Variants in TACR3 observed in about 807,000 individuals in gnomAD.
TACR3 encodes the protein neuromedin-K receptor.
In TACR3, 34 loss-of-function variants were observed where a neutral mutation model predicts 35.0. The ratio of observed to expected loss-of-function variants is 0.97; its 90% CI spans 0.74 to 1.30. TACR3 has a LOEUF of 1.30. Ranked by LOEUF, TACR3 falls within the 50% of genes most tolerant of loss-of-function variation. The probability of loss-of-function intolerance (pLI) is 0.00; values close to 1 mark genes in which losing one functional copy is unlikely to be tolerated. For missense variants in TACR3, 558 were observed against 591.7 expected (o/e 0.94, Z 0.59); for synonymous variants, 233 against 221.1 (o/e 1.05, Z -0.48).
intron 3 of TACR3, among the ~76,000 whole-genome samples, chr4:103,629,441 G>A (rs1464612147): frequency 6.6e-6 from 1 of 151,994 alleles, no homozygotes; most frequent in Non-Finnish European, 1.5e-5. Flanking sequence ...CTTCAGCAAA[G>A]TCTCAGGATA....
chr4:103,639,141 G>A (rs1368420491), intron 3 of TACR3, among the ~76,000 whole-genome samples: 23 of 152,132 alleles, frequency 1.5e-4, no homozygotes, highest in Middle Eastern at 3.4e-3. Flanking sequence ...ACATGCACAC[G>A]TATGTTTATT....
At chr4:103,602,951 T>C (rs1166896006) in intron 3 of TACR3, among the ~76,000 whole-genome samples, 4 of 152,246 alleles carry the variant, frequency 2.6e-5, no homozygotes, top group Non-Finnish European at 5.9e-5. Context: ...CAGAGGTTAC[T>C]GCTGTCTTTT....
intron 1 of TACR3, among the ~76,000 whole-genome samples, chr4:103,663,367 G>T (rs1725873270): frequency 6.6e-6 from 1 of 152,100 alleles, no homozygotes; most frequent in Admixed American, 6.5e-5. Context: ...GGTGGCACAG[G>T]CCTGTAATCC....
At chr4:103,611,556 T>A (rs544812343) in intron 3 of TACR3, among the ~76,000 whole-genome samples, 8 of 152,336 alleles carry the variant, frequency 5.3e-5, no homozygotes, top group African/African-American at 1.9e-4. Context: ...CTGTGCCACA[T>A]GCATTACCTC....
At chr4:103,640,212 T>C (rs887302336) in intron 3 of TACR3, among the ~76,000 whole-genome samples, 8 of 152,100 alleles carry the variant, frequency 5.3e-5, no homozygotes, top group Admixed American at 2.0e-4. Context: ...TCTGACTCTG[T>C]AGTTTATGTT....
Position 103,695,477 on chromosome 4 carries a change from TTAA to T in TACR3, c.548+23648_548+23650del, listed in dbSNP as rs1409286763. Among the ~76,000 whole-genome samples the T allele has an allele frequency of 3.9e-5, 6 of 152,196 alleles. No individual in the cohort carries two copies. In the South Asian group the frequency reaches 6.2e-4, roughly 16 times the overall value. On this transcript the variant is annotated intron_variant, in intron 1 of 4. Coordinates refer to ENST00000304883, the MANE Select transcript of TACR3 (RefSeq NM_001059.3). Reference sequence around the variant, plus strand: ...ATATTTTCTCTTCCTTATGATTTTCTTAATAATATGTTCTTTTCTCTAGCTTAC... The same window carrying T: ...ATATTTTCTCTTCCTTATGATTTTCTTAATATGTTCTTTTCTCTAGCTTAC...
At chr4:103,638,041 T>C (rs1247151149) in intron 3 of TACR3, among the ~76,000 whole-genome samples, 1 of 152,172 alleles carries the variant, frequency 6.6e-6, no homozygotes, top group African/African-American at 2.4e-5. Flanking sequence ...TTCAATGCCA[T>C]ACCCATGAAG....
chr4:103,634,507 A>C (rs950464944), intron 3 of TACR3, among the ~76,000 whole-genome samples: 1 of 122,640 alleles, frequency 8.2e-6, no homozygotes, highest in Non-Finnish European at 1.9e-5. Context: ...CTTCATGAAC[A>C]TTTATAATCA....
intron 3 of TACR3, among the ~76,000 whole-genome samples, chr4:103,650,097 A>T (rs1725555356): frequency 6.6e-6 from 1 of 152,072 alleles, no homozygotes; most frequent in East Asian, 1.9e-4. Context: ...TCACAGAGAT[A>T]CTGCCTTGTT....
chr4:103,627,846 T>C (rs1225422662), intron 3 of TACR3, among the ~76,000 whole-genome samples: 1 of 152,194 alleles, frequency 6.6e-6, no homozygotes, highest in African/African-American at 2.4e-5. Context: ...ATATACATTC[T>C]TCTTAGAACC....
intron 1 of TACR3, among the ~76,000 whole-genome samples, chr4:103,701,353 G>A (rs1168419650): frequency 1.3e-5 from 2 of 151,718 alleles, no homozygotes; most frequent in South Asian, 4.2e-4. Context: ...GGACGTGAAG[G>A]ACCTCTTCAA....
chr4:103,606,243 T>A (rs529413307), intron 3 of TACR3, among the ~76,000 whole-genome samples: 1 of 152,056 alleles, frequency 6.6e-6, no homozygotes, highest in Non-Finnish European at 1.5e-5. Flanking sequence ...TAGTATAGTT[T>A]GAAGTCAGGT....
chr4:103,605,637 T>C (rs1333162246), intron 3 of TACR3, among the ~76,000 whole-genome samples: 3 of 152,140 alleles, frequency 2.0e-5, no homozygotes, highest in African/African-American at 7.2e-5. Context: ...TTTTGAGAAG[T>C]GTCTGTTCAT....
chr4:103,699,522 ACT>A lies in TACR3; in HGVS notation c.548+19604_548+19605del, dbSNP rs1180833315. On this transcript the variant is annotated intron_variant, in intron 1 of 4. Coordinates refer to ENST00000304883, the MANE Select transcript of TACR3 (RefSeq NM_001059.3). Reference sequence around the variant, plus strand: ...TTGTGATTCCATTGCTAATAGGTTCACTCTGGCTGTTGCACTGAGAACAAACT... The same window carrying A: ...TTGTGATTCCATTGCTAATAGGTTCACTGGCTGTTGCACTGAGAACAAACT... Among the ~76,000 whole-genome samples, 17 of 152,246 alleles carry A rather than the reference ACT, an allele frequency of 1.1e-4. No individual in the cohort carries two copies. The East Asian group carries it at 2.1e-3, about 19-fold the overall frequency.
At chr4:103,676,019 T>C (rs1726162157) in intron 1 of TACR3, among the ~76,000 whole-genome samples, 1 of 152,220 alleles carries the variant, frequency 6.6e-6, no homozygotes, top group Admixed American at 6.5e-5. Flanking sequence ...TTATTTCCTT[T>C]CTATTCTTCC....
chr4:103,680,530 TATATAC>T (rs1364035215), intron 1 of TACR3, among the ~76,000 whole-genome samples: 5 of 148,830 alleles, frequency 3.4e-5, no homozygotes, highest in African/African-American at 9.9e-5. Flanking sequence ...TATACACATA[TATATAC>T]ATATATATAC....
chr4:103,622,294 C>T (rs909007601), intron 3 of TACR3, among the ~76,000 whole-genome samples: 2 of 152,176 alleles, frequency 1.3e-5, no homozygotes, highest in Admixed American at 1.3e-4. Context: ...AGCATACTTA[C>T]ATTTTGAAGA....
chr4:103,712,609 G>C (rs923890187), intron 1 of TACR3, among the ~76,000 whole-genome samples: 1 of 152,026 alleles, frequency 6.6e-6, no homozygotes, highest in African/African-American at 2.4e-5. Flanking sequence ...GCAACAAAAG[G>C]CAAAATTGAC....
At chr4:103,667,314 T>C (rs1488420438) in intron 1 of TACR3, among the ~76,000 whole-genome samples, 2 of 151,964 alleles carry the variant, frequency 1.3e-5, no homozygotes, top group African/African-American at 4.8e-5. Context: ...TATTTTTAGC[T>C]CCCACATACA....
Sources: gnomAD v4.1 joint callset for allele counts (sites outside exome capture counted in the v4.1 genomes callset) on GRCh38, gnomAD v4.1.1 for gene constraint, MANE v1.5 for transcripts, NCBI Gene and HGNC (gene_info 2026-07-23, HGNC 2026-07-21) for gene names.